The following SYT1 variants were observed in gnomAD, a reference collection of about 807,000 sequenced individuals.
SYT1 encodes the protein synaptotagmin-1.
In SYT1, 8 loss-of-function variants were observed where a neutral mutation model predicts 44.8. The ratio of observed to expected loss-of-function variants is 0.18; its 90% CI spans 0.10 to 0.32. The LOEUF (loss-of-function observed/expected upper bound fraction) is 0.32, where lower values mean the gene tolerates loss of function less well. SYT1 is among the 10% of genes least tolerant of loss of function. The pLI, the probability that SYT1 is intolerant of heterozygous loss-of-function variation, is 1.00. For synonymous variants in SYT1, 154 were observed against 188.8 expected (o/e 0.82, Z 1.51); for missense variants, 286 against 509.3 (o/e 0.56, Z 4.22).
intron 9 of SYT1, among the ~76,000 whole-genome samples, chr12:79,368,742 G>GT (rs1457185796): frequency 1.2e-3 from 168 of 135,488 alleles, no homozygotes; most frequent in African/African-American, 1.5e-3. Context: ...TTTTGATGGG[G>GT]TTGTTTGTTT....
intron 8 of SYT1, among the ~76,000 whole-genome samples, chr12:79,317,902 A>G (rs983969663): frequency 9.2e-5 from 14 of 152,114 alleles, no homozygotes; most frequent in African/African-American, 3.4e-4. Flanking sequence ...ATCATGATAA[A>G]TGATCAAGTT....
intron 3 of SYT1, among the ~76,000 whole-genome samples, chr12:79,192,612 A>T (rs1434978862): frequency 6.6e-6 from 1 of 152,090 alleles, no homozygotes; most frequent in Non-Finnish European, 1.5e-5. Flanking sequence ...CTTGTTTTGA[A>T]GGTGACCAAG....
chr12:79,283,137 C>T (rs10861770), intron 4 of SYT1, among the ~76,000 whole-genome samples: 34,958 of 151,964 alleles, frequency 0.23, 5,038 homozygotes, highest in East Asian at 0.45. Context: ...TGAAGCTATC[C>T]TATAGCTATA....
intron 1 of SYT1, among the ~76,000 whole-genome samples, chr12:78,936,882 T>C: frequency 6.6e-6 from 1 of 152,170 alleles, no homozygotes; most frequent in East Asian, 1.9e-4. Context: ...AGGCAAGGGA[T>C]GGCTTTGCAA....
intron 3 of SYT1, among the ~76,000 whole-genome samples, chr12:79,082,020 C>T (rs1405556800): frequency 2.0e-5 from 3 of 152,040 alleles, no homozygotes; most frequent in Non-Finnish European, 4.4e-5. Context: ...CATACATTGA[C>T]ATTAAAACTT....
intron 9 of SYT1, among the ~76,000 whole-genome samples, chr12:79,373,901 A>G (rs1003212006): frequency 3.3e-5 from 5 of 152,216 alleles, no homozygotes; most frequent in African/African-American, 9.6e-5. Context: ...GTTTTCTTCA[A>G]GCCACAGTTG....
chr12:79,051,323 T>C (rs1361473573), intron 3 of SYT1, among the ~76,000 whole-genome samples: 1 of 150,000 alleles, frequency 6.7e-6, no homozygotes, highest in Non-Finnish European at 1.5e-5. Flanking sequence ...TAAATATATA[T>C]ATACATATAT....
chr12:79,069,880 A>C (rs973067668), intron 3 of SYT1, among the ~76,000 whole-genome samples: 2 of 152,122 alleles, frequency 1.3e-5, no homozygotes, highest in Non-Finnish European at 2.9e-5. Context: ...CAAAATGGAA[A>C]AATTGAATAG....
intron 1 of SYT1, among the ~76,000 whole-genome samples, chr12:78,970,691 C>G (rs891367558): frequency 6.6e-6 from 1 of 152,080 alleles, no homozygotes; most frequent in Non-Finnish European, 1.5e-5. Flanking sequence ...CTACCACTAG[C>G]CTTTAGCACA....
intron 8 of SYT1, among the ~76,000 whole-genome samples, chr12:79,345,301 C>T (rs979836211): frequency 2.0e-5 from 3 of 150,370 alleles, no homozygotes; most frequent in Non-Finnish European, 2.9e-5. Context: ...GGGAATAAAT[C>T]TCTAAAGTCC....
chr12:79,155,145 T>G (rs1870515382), intron 3 of SYT1, among the ~76,000 whole-genome samples: 1 of 152,048 alleles, frequency 6.6e-6, no homozygotes, highest in Non-Finnish European at 1.5e-5. Flanking sequence ...GAAAAATACA[T>G]CTTGCTAAAG....
At chr12:79,155,964 A>G (rs1870568474) in intron 3 of SYT1, among the ~76,000 whole-genome samples, 1 of 152,186 alleles carries the variant, frequency 6.6e-6, no homozygotes, top group Admixed American at 6.5e-5. Flanking sequence ...TGTGGAGCAA[A>G]TTACTAAATC....
In SYT1 at chr12:79,285,861, A is replaced by G; in HGVS notation, c.241A>G (p.Lys81Glu). Reference protein sequence around the residue: ...LVLTCCFCICKKCLFKKKNKK... With the variant: ...LVLTCCFCICEKCLFKKKNKK... ...CCTGACCTGCTGCTTTTGTATCTGTAAGAAATGTTTGTTCAAAAAGAAAAA... is the reference window on the plus strand; with the variant it reads ...CCTGACCTGCTGCTTTTGTATCTGTGAGAAATGTTTGTTCAAAAAGAAAAA... Residue 81 changes from lysine (K) to glutamate (E), a missense_variant, in exon 5 of 11, where the codon AAG becomes GAG. Around this residue, in one of 6 missense-constraint regions of SYT1, gnomAD observed 141 missense variants for 165.7 expected, o/e 0.85. Coordinates refer to ENST00000261205, the MANE Select transcript of SYT1 (RefSeq NM_005639.3). 6.2e-7 allele frequency: 1 copy of G among 1,613,950 alleles called. No homozygotes were observed. The highest frequency in any genetic ancestry group is 1.1e-5 in the South Asian group (1 of 91,030).
intron 1 of SYT1, among the ~76,000 whole-genome samples, chr12:78,941,165 C>T (rs1878347604): frequency 6.7e-6 from 1 of 150,280 alleles, no homozygotes; most frequent in Non-Finnish European, 1.5e-5. Context: ...CTCTGCCTCC[C>T]CAGTTCACGC....
At chr12:78,887,232 C>T (rs1874798058) in intron 1 of SYT1, among the ~76,000 whole-genome samples, 2 of 151,954 alleles carry the variant, frequency 1.3e-5, no homozygotes, top group Admixed American at 1.3e-4. Flanking sequence ...TCTCTTTGTC[C>T]AGTATCTCGA....
chr12:79,050,697 A>C (rs530189147), intron 3 of SYT1, among the ~76,000 whole-genome samples: 2 of 152,204 alleles, frequency 1.3e-5, no homozygotes, highest in South Asian at 4.1e-4. Context: ...TATAGCAAGA[A>C]GTTTTTAGTA....
chr12:79,158,223 C>T (rs1457995432), intron 3 of SYT1, among the ~76,000 whole-genome samples: 1 of 152,114 alleles, frequency 6.6e-6, no homozygotes, highest in Admixed American at 6.6e-5. Context: ...TATTGTCCTA[C>T]AACTAGATGG....
At chr12:79,057,280 T>C (rs1875025942) in intron 3 of SYT1, among the ~76,000 whole-genome samples, 1 of 152,066 alleles carries the variant, frequency 6.6e-6, no homozygotes, top group South Asian at 2.1e-4. Context: ...TGATTGTTTT[T>C]GTTTTCCATT....
intron 1 of SYT1, among the ~76,000 whole-genome samples, chr12:78,949,371 A>G (rs143133319): frequency 1.3e-5 from 2 of 151,888 alleles, no homozygotes; most frequent in African/African-American, 4.8e-5. Flanking sequence ...AATACCAACT[A>G]ACTTCTGTGC....
Sources: allele counts gnomAD v4.1 joint callset (sites outside exome capture counted in the v4.1 genomes callset), GRCh38; gene constraint gnomAD v4.1.1; regional missense constraint gnomAD v4.1.1; transcripts MANE v1.5; gene names NCBI Gene and HGNC (gene_info 2026-07-23, HGNC 2026-07-21).